The following MARS1 variants were observed in gnomAD, a reference collection of about 807,000 sequenced individuals.
The protein encoded by MARS1 is methionine--tRNA ligase, cytoplasmic.
Under a neutral mutation model 119.5 loss-of-function variants are expected in MARS1, and 80 were observed. That is an observed-to-expected ratio of 0.67 (90% CI 0.56 to 0.81). MARS1 has a LOEUF of 0.81. Among genes scored for constraint, MARS1 ranks in the 30% least tolerant of loss-of-function variants. The pLI is 0.00. For missense variants in MARS1, 945 were observed against 1,116.5 expected, an observed-to-expected ratio of 0.85 and a Z score of 2.19; for synonymous variants, 418 against 433.4, an observed-to-expected ratio of 0.96 and a Z score of 0.44.
At chr12:57,511,900 C>A in intron 12 of MARS1, 32 bp downstream of exon 12, 1 of 1,611,892 alleles carries the variant, frequency 6.2e-7, no homozygotes, top group African/African-American at 1.3e-5. Flanking sequence ...TATCATTCAG[C>A]CTTAGTGTTG....
intron 7 of MARS1, among the ~76,000 whole-genome samples, chr12:57,494,694 G>T (rs1226545769): frequency 1.3e-5 from 2 of 151,552 alleles, no homozygotes; most frequent in Non-Finnish European, 2.9e-5. Context: ...TTGAGATTAG[G>T]GAGTGGTGAT....
intron 2 of MARS1, 25 bp from the exon 3 acceptor site, chr12:57,489,242 C>T: frequency 6.2e-7 from 1 of 1,612,124 alleles, no homozygotes; most frequent in Middle Eastern, 1.8e-4. Context: ...CTAAGTCCAT[C>T]ATCTGTTGCT....
In MARS1 at chr12:57,500,534, G is replaced by T; in HGVS notation, c.1293+12G>T. 6.2e-7 allele frequency: 1 copy of T among 1,613,154 alleles called. No homozygotes were observed. The highest frequency in any genetic ancestry group is 8.5e-7 in the Non-Finnish European group (1 of 1,179,374). ...CTGTCGAGCTTAAGGTAAGAGGAGG[G>T]TCTCCATGGGAGCCCGGAAGGAGAC... is the stretch of plus-strand genomic sequence containing the variant. On this transcript the variant is annotated intron_variant, in intron 10 of 20. Transcript: ENST00000262027.
At chr12:57,498,343 G>C in intron 8 of MARS1, 70 bp downstream of exon 8, 2 of 1,594,606 alleles carry the variant, frequency 1.3e-6, no homozygotes, top group Non-Finnish European at 1.7e-6. Context: ...GATGCTTCAA[G>C]GGTGGGGCTG....
At chr12:57,503,124 T>A (rs1246484620) in intron 10 of MARS1, among the ~76,000 whole-genome samples, 1 of 152,160 alleles carries the variant, frequency 6.6e-6, no homozygotes, top group African/African-American at 2.4e-5. Context: ...AAGTTTTCAT[T>A]CATTAGCTCC....
intron 7 of MARS1, among the ~76,000 whole-genome samples, chr12:57,490,870 C>G (rs1594808601): frequency 2.0e-5 from 2 of 99,238 alleles, no homozygotes; most frequent in South Asian, 6.4e-4. Context: ...TTTTTCTTGT[C>G]TATCCTTTTT....
Position 57,512,947 on chromosome 12 carries a change from G to A in MARS1, c.1950G>A (p.Leu650=), listed in dbSNP as rs1160162057. The A allele has an allele frequency of 6.2e-7, 1 of 1,614,048 alleles. No homozygotes were observed. The highest frequency in any genetic ancestry group is 8.5e-7 in the Non-Finnish European group (1 of 1,180,036). Residue 650 remains leucine (L), a synonymous_variant, in exon 15 of 21, where the codon CTG becomes CTA. Transcript: ENST00000262027. The part of the protein sequence containing the change: ...LKNNSELLNN[L]GNFINRAGMF... ...ATAATTCTGAGCTGCTTAACAACCT[G>A]GGCAACTTCATCAACAGGTAGGACT...
intron 7 of MARS1, among the ~76,000 whole-genome samples, chr12:57,492,476 C>T (rs1416949115): frequency 6.6e-6 from 1 of 151,966 alleles, no homozygotes; most frequent in Admixed American, 6.6e-5. Flanking sequence ...TCGAGACCAG[C>T]CTGGCCAACA....
intron 6 of MARS1, 75 bp from the exon 7 acceptor site, chr12:57,490,463 G>A: frequency 6.2e-7 from 1 of 1,606,904 alleles, no homozygotes; most frequent in African/African-American, 1.3e-5. Flanking sequence ...ACTTTTTCAG[G>A]TAGTGGCAAG....
intron 7 of MARS1, among the ~76,000 whole-genome samples, chr12:57,497,698 A>T (rs551062551): frequency 6.6e-5 from 10 of 152,282 alleles, no homozygotes; most frequent in Admixed American, 2.0e-4. Flanking sequence ...TACGGGTCGT[A>T]TCTAGGCTGG....
At chr12:57,499,867 C>T (rs1025033524) in intron 9 of MARS1, among the ~76,000 whole-genome samples, 1 of 152,112 alleles carries the variant, frequency 6.6e-6, no homozygotes, top group Non-Finnish European at 1.5e-5. Context: ...CCACTGCACT[C>T]CAGCCTGGGC....
Position 57,498,587 on chromosome 12 carries a change from A to G in MARS1, c.1055A>G (p.Asp352Gly). The change falls in exon 9 of 21, where the codon GAT becomes GGT. Residue 352 changes from aspartate (D) to glycine (G), a missense_variant. Asp to Gly is a moderately conservative substitution (Grantham distance 94). Transcript: ENST00000262027. ...TACCGCTGGTTTAACATTTCGTTTG[A>G]TATTTTTGGTCGCACCACCACTCCA... Reference protein sequence around the residue: ...DIYRWFNISFDIFGRTTTPQQ... With the variant: ...DIYRWFNISFGIFGRTTTPQQ... 3.7e-6 allele frequency: 6 copies of G among 1,614,166 alleles called. No individual in the cohort carries two copies. Among genetic ancestry groups the G allele is most frequent in the Non-Finnish European group, 3.4e-6 (4 of 1,180,036 alleles).
chr12:57,510,262 A>G (rs1044435711), intron 11 of MARS1, among the ~76,000 whole-genome samples: 1 of 151,902 alleles, frequency 6.6e-6, no homozygotes, highest in African/African-American at 2.4e-5. Flanking sequence ...TCATGAGGTC[A>G]ATAGACCGAG....
intron 7 of MARS1, among the ~76,000 whole-genome samples, chr12:57,496,442 C>T (rs1020041190): frequency 1.3e-5 from 2 of 152,006 alleles, no homozygotes; most frequent in African/African-American, 2.4e-5. Flanking sequence ...GGATTACAGG[C>T]GTGAGCCACT....
rs377436527 is a variant in MARS1 at position 57,511,687 on chromosome 12, C to A, written c.1369-11C>A. 1.2e-6 allele frequency: 2 copies of A among 1,613,954 alleles called. No individual in the cohort carries two copies. Among genetic ancestry groups the A allele is most frequent in the Admixed American group, 1.7e-5 (1 of 60,010 alleles). On this transcript the variant is annotated splice_polypyrimidine_tract_variant and intron_variant, in intron 11 of 20. Coordinates refer to ENST00000262027, the MANE Select transcript of MARS1 (RefSeq NM_004990.4). ...CTTTCCTAAATCAGCCCTCTTTCTC[C>A]GTTATCTCAGCTGGAGAAGCGACTG...
At chr12:57,496,167 T>C (rs1876620474) in intron 7 of MARS1, among the ~76,000 whole-genome samples, 1 of 139,754 alleles carries the variant, frequency 7.2e-6, no homozygotes, top group African/African-American at 2.7e-5. Context: ...CCCGGCAATA[T>C]AAGCACTTTC....
At chr12:57,510,154 G>A (rs1311005858) in intron 11 of MARS1, among the ~76,000 whole-genome samples, 1 of 152,148 alleles carries the variant, frequency 6.6e-6, no homozygotes, top group Admixed American at 6.6e-5. Context: ...TGGGACTACA[G>A]GCGTGTACTA....
rs1328696572 is a variant in MARS1 at position 57,493,858 on chromosome 12, T to TA, written c.770+3214_770+3215insA. Among the ~76,000 whole-genome samples the TA allele has an allele frequency of 1.3e-3, 6 of 4,710 alleles. No homozygotes were observed. In the East Asian group the frequency reaches 0.4, roughly 314 times the overall value. The allele number at this position is 4,710 out of a possible 152,430, so 3.1% of individuals were successfully genotyped here. On this transcript the variant is annotated intron_variant, in intron 7 of 20. Transcript: ENST00000262027. ...ATATTATAATATATAATATATATATTTATATTATATAATATATATAATATA... is the reference window on the plus strand; with the variant it reads ...ATATTATAATATATAATATATATATTATATATTATATAATATATATAATATA...
intron 7 of MARS1, among the ~76,000 whole-genome samples, chr12:57,497,436 G>A (rs562297008): frequency 1.3e-5 from 2 of 152,298 alleles, no homozygotes; most frequent in Non-Finnish European, 2.9e-5. Flanking sequence ...AGGAGCCTTA[G>A]TGTAGTGTCA....
Sources: gnomAD v4.1 joint callset for allele counts (sites outside exome capture counted in the v4.1 genomes callset) on GRCh38, gnomAD v4.1.1 for gene constraint, MANE v1.5 for transcripts, NCBI Gene and HGNC (gene_info 2026-07-23, HGNC 2026-07-21) for gene names.